VDAC1: variants seen among roughly 807,000 people sequenced by gnomAD.
VDAC1 encodes the protein non-selective voltage-gated ion channel VDAC1.
VDAC1 carries 10 observed loss-of-function variants against 34.7 expected under a neutral mutation model. That is an observed-to-expected ratio of 0.29 (90% CI 0.18 to 0.49). The LOEUF is 0.49. Among genes scored for constraint, VDAC1 ranks in the 20% least tolerant of loss-of-function variants. The pLI, the probability that VDAC1 is intolerant of heterozygous loss-of-function variation, is 0.99. For synonymous variants in VDAC1, 130 were observed against 136.0 expected (o/e 0.96, Z 0.30); for missense variants, 230 against 347.9 (o/e 0.66, Z 2.69).
chr5:134,113,117 GC>G, the VDAC1 span, among the ~76,000 whole-genome samples: 2 of 152,116 alleles, frequency 1.3e-5, no homozygotes, highest in Admixed American at 6.5e-5. Context: ...GCAGGGCCGA[GC>G]CCCCCCTTCC....
chr5:134,021,775 C>T, the VDAC1 span, among the ~76,000 whole-genome samples: 2 of 152,112 alleles, frequency 1.3e-5, no homozygotes, highest in Non-Finnish European at 2.9e-5. Flanking sequence ...GCCCCTAGCC[C>T]CTGGAGGTTC....
At chr5:134,041,396 TA>T in the VDAC1 span, among the ~76,000 whole-genome samples, 4 of 152,182 alleles carry the variant, frequency 2.6e-5, no homozygotes, top group South Asian at 8.3e-4. Context: ...CCAAGCAGTG[TA>T]GGGGCCTCTG....
At chr5:134,086,755 C>A in the VDAC1 span, among the ~76,000 whole-genome samples, 1 of 152,122 alleles carries the variant, frequency 6.6e-6, no homozygotes, top group South Asian at 2.1e-4. Context: ...ATCTCCAGTA[C>A]AGGCAGCACA....
intron 7 of VDAC1, among the ~76,000 whole-genome samples, chr5:133,975,636 CT>C (rs1356980476): frequency 1.3e-5 from 2 of 151,786 alleles, no homozygotes; most frequent in Non-Finnish European, 2.9e-5. Flanking sequence ...AATTTTTGTA[CT>C]TTTAGTAGAC....
chr5:134,020,912 C>T, the VDAC1 span, among the ~76,000 whole-genome samples: 10 of 151,594 alleles, frequency 6.6e-5, no homozygotes, highest in East Asian at 1.2e-3. Flanking sequence ...AATCCCAGAA[C>T]TTTGGGAGGC....
chr5:134,069,686 G>A, the VDAC1 span, among the ~76,000 whole-genome samples: 41 of 152,246 alleles, frequency 2.7e-4, no homozygotes, highest in African/African-American at 9.2e-4. Context: ...GTTCGGGTTG[G>A]GTTAGGGCTG....
At chr5:134,071,602 G>T in the VDAC1 span, among the ~76,000 whole-genome samples, 398 of 152,356 alleles carry the variant, frequency 2.6e-3, 6 homozygotes, top group African/African-American at 8.8e-3. This position sits in a 1 kb window ranked among gnomAD's most constrained non-coding sequence, Gnocchi z 4.1. Flanking sequence ...CCACCACGCA[G>T]AATTCCCCTT....
chr5:133,975,962 G>C lies in VDAC1; in HGVS notation c.611C>G (p.Thr204Ser), dbSNP rs1752465147. 1 of 1,613,760 alleles carries C rather than the reference G, an allele frequency of 6.2e-7. No individual in the cohort carries two copies. The highest frequency in any genetic ancestry group is 1.1e-5 in the South Asian group (1 of 91,062). The part of the protein sequence containing the change: ...IYQKVNKKLE[T>S]AVNLAWTAGN... ...TGCTGTCCAGGCAAGATTGACAGCG[G>C]TCTCCAACTTCTTGTTCACTTTCTG... is the stretch of plus-strand genomic sequence containing the variant. The change falls in exon 7 of 9, where the codon ACC becomes AGC. Residue 204 changes from threonine to serine, a missense_variant. Thr to Ser is a moderately conservative substitution (Grantham distance 58). Transcript: ENST00000265333.
At chr5:133,990,023 A>T (rs938667334) in intron 5 of VDAC1, among the ~76,000 whole-genome samples, 1 of 152,220 alleles carries the variant, frequency 6.6e-6, no homozygotes, top group Non-Finnish European at 1.5e-5. Flanking sequence ...TATATAAAAC[A>T]TCTTCCCCAG....
At chr5:134,054,458 C>CTTTTTTTTTTTTTTTTTTTTTT in the VDAC1 span, among the ~76,000 whole-genome samples, 3 of 123,544 alleles carry the variant, frequency 2.4e-5, no homozygotes, top group Non-Finnish European at 1.6e-5. Context: ...TCCTTCCTTC[C>CTTTTTTTTTTTTTTTTTTTTTT]TTTTTTTTTT....
chr5:133,981,526 G>A (rs539341892), intron 5 of VDAC1, among the ~76,000 whole-genome samples: 6 of 152,250 alleles, frequency 3.9e-5, no homozygotes, highest in Non-Finnish European at 7.4e-5. Flanking sequence ...TCAGAGAACC[G>A]GGTACTGATG....
chr5:134,044,191 C>A, the VDAC1 span, among the ~76,000 whole-genome samples: 1 of 152,218 alleles, frequency 6.6e-6, no homozygotes, highest in African/African-American at 2.4e-5. Context: ...GCTGGGCCTC[C>A]TCCAAGATCC....
At chr5:134,044,623 C>CTA in the VDAC1 span, among the ~76,000 whole-genome samples, 230 of 23,080 alleles carry the variant, frequency 1.0e-2, 2 homozygotes, top group East Asian at 0.14. Flanking sequence ...GTGCACATAA[C>CTA]TGTGTGTGTG....
At chr5:134,057,504 T>TCTATAC in the VDAC1 span, among the ~76,000 whole-genome samples, 9 of 146,566 alleles carry the variant, frequency 6.1e-5, no homozygotes, top group Admixed American at 4.8e-4. Context: ...TATATCTATA[T>TCTATAC]CTATATCTAT....
chr5:133,978,429 T>C (rs1440491250), intron 6 of VDAC1, among the ~76,000 whole-genome samples: 9 of 152,218 alleles, frequency 5.9e-5, no homozygotes, highest in Non-Finnish European at 2.9e-5. Context: ...GAGCCACACA[T>C]TGTAAATTTT....
chr5:134,000,715 A>AC (rs1753516401), intron 1 of VDAC1, among the ~76,000 whole-genome samples: 2 of 152,208 alleles, frequency 1.3e-5, no homozygotes, highest in Non-Finnish European at 2.9e-5. Context: ...GAGAGCCTGG[A>AC]TGGCGTCACT....
At chr5:134,019,246 T>C in the VDAC1 span, among the ~76,000 whole-genome samples, 1 of 151,902 alleles carries the variant, frequency 6.6e-6, no homozygotes, top group East Asian at 1.9e-4. Context: ...CTCCTGCATG[T>C]ACACCTAATT....
chr5:134,008,696 A>C (rs150434429), upstream of VDAC1, among the ~76,000 whole-genome samples: 13 of 152,312 alleles, frequency 8.5e-5, no homozygotes, highest in Admixed American at 3.3e-4. Flanking sequence ...GTTTCTTAGC[A>C]TTGTCTGTGC....
At chr5:134,011,396 A>G in the VDAC1 span, among the ~76,000 whole-genome samples, 3 of 152,224 alleles carry the variant, frequency 2.0e-5, no homozygotes, top group Admixed American at 2.0e-4. Flanking sequence ...TGTCAGATGC[A>G]TAGATCTCCA....
Sources: allele counts gnomAD v4.1 joint callset (sites outside exome capture counted in the v4.1 genomes callset), GRCh38; gene constraint gnomAD v4.1.1; non-coding constraint Gnocchi (gnomAD v3.1); transcripts MANE v1.5; gene names NCBI Gene and HGNC (gene_info 2026-07-23, HGNC 2026-07-21).